Variants in SLC47A1 observed in about 807,000 individuals in gnomAD.
SLC47A1 encodes the protein solute carrier family 47 member 1.
Under a neutral mutation model 65.8 loss-of-function variants are expected in SLC47A1, and 58 were observed. That is an observed-to-expected ratio of 0.88 (90% CI 0.71 to 1.10). The LOEUF (loss-of-function observed/expected upper bound fraction) is 1.10. Among genes scored for constraint, SLC47A1 ranks in the 50% least tolerant of loss-of-function variants. The pLI is 0.00. For missense variants in SLC47A1, 706 were observed against 719.2 expected (o/e 0.98, Z 0.21); for synonymous variants, 285 against 295.0 (o/e 0.97, Z 0.35).
intron 15 of SLC47A1, among the ~76,000 whole-genome samples, chr17:19,572,439 A>G (rs1461024718): frequency 1.3e-5 from 2 of 152,026 alleles, no homozygotes; most frequent in African/African-American, 4.8e-5. Context: ...GAATACAGAC[A>G]TGCGCCACCA....
chr17:19,538,127 T>C (rs1186387348), intron 1 of SLC47A1, among the ~76,000 whole-genome samples: 11 of 152,248 alleles, frequency 7.2e-5, no homozygotes, highest in African/African-American at 1.9e-4. Flanking sequence ...AAGGATGAGA[T>C]CACGGATTGC....
intron 6 of SLC47A1, among the ~76,000 whole-genome samples, chr17:19,553,817 C>G (rs1045638232): frequency 6.6e-6 from 1 of 152,218 alleles, no homozygotes; most frequent in Non-Finnish European, 1.5e-5. Context: ...GCTGGGATTA[C>G]AGGCGTGACC....
At chr17:19,568,803 C>G (rs969867228) in intron 14 of SLC47A1, among the ~76,000 whole-genome samples, 1 of 152,068 alleles carries the variant, frequency 6.6e-6, no homozygotes, top group Non-Finnish European at 1.5e-5. Flanking sequence ...CCCATGCCCT[C>G]CCCTCCTTGC....
chr17:19,546,316 A>C, intron 2 of SLC47A1, 119 bp from the exon 3 acceptor site: 1 of 998,214 alleles, frequency 1.0e-6, no homozygotes, highest in Non-Finnish European at 1.5e-6. Flanking sequence ...CAAAGTTGGT[A>C]AAATTGACTT....
intron 1 of SLC47A1, among the ~76,000 whole-genome samples, chr17:19,541,674 A>G (rs2440154): frequency 0.69 from 104,486 of 152,058 alleles, 36,450 homozygotes; most frequent in East Asian, 0.82. Flanking sequence ...TCCTGTCTAC[A>G]GACTTCCTTG....
rs1412997403 is a variant in SLC47A1, at chr17:19,572,946, G to T, written c.1486+85G>T. 7.0e-6 allele frequency: 8 copies of T among 1,137,324 alleles called. No individual in the cohort carries two copies. In the East Asian group the frequency reaches 1.9e-4, roughly 27 times the overall value. The allele number at this position is 1,137,324 out of a possible 1,614,324, so 70.5% of individuals were successfully genotyped here. On this transcript the variant is annotated intron_variant, in intron 16 of 16. Transcript: ENST00000270570. Reference sequence around the variant, plus strand: ...TTAGTGAGACACAGCTAGATTTGCTGCTATGAGCTCTCATTTAAATAGGGC... The same window carrying T: ...TTAGTGAGACACAGCTAGATTTGCTTCTATGAGCTCTCATTTAAATAGGGC...
chr17:19,536,291 G>A (rs887224987), intron 1 of SLC47A1, among the ~76,000 whole-genome samples: 1 of 139,188 alleles, frequency 7.2e-6, no homozygotes, highest in Non-Finnish European at 1.6e-5. Context: ...AACAGGGCAG[G>A]TTTCTGAAAT....
At position 19,566,827 on chromosome 17, in the gene SLC47A1, T is replaced by G. The variant is rs755797596; in HGVS notation, c.1144T>G (p.Tyr382Asp). 1.9e-6 allele frequency: 3 copies of G among 1,614,118 alleles called. No homozygotes were observed. The African/African-American group carries it at 4.0e-5, about 22-fold the overall frequency. ...INLVAQVVPI[Y>D]AVSHLFEALA... is the part of the protein sequence containing the mutation. ...TCTGGTGGCTCAGGTGGTTCCAATT[T>G]ATGCTGTTTCCCACCTCTTTGAAGC... Residue 382 changes from tyrosine (Y) to aspartate (D), a missense_variant, in exon 13 of 17, where the codon TAT becomes GAT. Coordinates refer to ENST00000270570, the MANE Select transcript of SLC47A1 (RefSeq NM_018242.3).
At position 19,533,907 on chromosome 17, in the gene SLC47A1, C is replaced by T. The variant is rs1915915190; in HGVS notation, c.-33C>T. On this transcript the variant is annotated 5_prime_UTR_variant, in exon 1 of 17. Coordinates refer to ENST00000270570, the MANE Select transcript of SLC47A1 (RefSeq NM_018242.3). ...GGCCTCCGCGGTACCCACTGCCGGC[C>T]TCCGCGCTACCCGGCCGCAGCGCGC... 2 of 1,464,824 alleles carry T rather than the reference C, an allele frequency of 1.4e-6. No homozygotes were observed. The highest frequency in any genetic ancestry group is 2.7e-5 in the East Asian group (1 of 36,754). 90.7% of individuals were successfully genotyped at this position (1,464,824 alleles called of 1,614,324 possible).
chr17:19,559,287 C>T (rs1442125115), intron 10 of SLC47A1, among the ~76,000 whole-genome samples: 1 of 152,204 alleles, frequency 6.6e-6, no homozygotes, highest in Non-Finnish European at 1.5e-5. Context: ...TCCCTAACCA[C>T]AATACAGGGT....
chr17:19,547,536 T>A (rs1041305019), intron 3 of SLC47A1, among the ~76,000 whole-genome samples: 12 of 151,756 alleles, frequency 7.9e-5, no homozygotes, highest in Middle Eastern at 6.8e-3. Flanking sequence ...TAATTTTTTT[T>A]TAAAAAAAGG....
At chr17:19,543,435 G>A (rs1916204733) in intron 2 of SLC47A1, among the ~76,000 whole-genome samples, 1 of 151,946 alleles carries the variant, frequency 6.6e-6, no homozygotes, top group Non-Finnish European at 1.5e-5. Context: ...CTAATCCATG[G>A]AACTCGTTCC....
rs185507755 is a variant in SLC47A1, at chr17:19,574,177, C to T, written c.1486+1316C>T. 2.6e-5 allele frequency among the ~76,000 whole-genome samples: 4 copies of T among 152,170 alleles called. No individual in the cohort carries two copies. In the East Asian group the frequency reaches 5.8e-4, roughly 22 times the overall value. On this transcript the variant is annotated intron_variant, in intron 16 of 16. Transcript: ENST00000270570. ...ACCACAAGTGATCCACCCTCCTCGG[C>T]CCCCCAAAGTGCTGGGATTACAGGC...
chr17:19,560,357 C>T, intron 11 of SLC47A1, 61 bp downstream of exon 11: 2 of 1,608,886 alleles, frequency 1.2e-6, no homozygotes, highest in African/African-American at 2.7e-5. Flanking sequence ...ACCCAGGCTC[C>T]TCCACTTCCT....
At chr17:19,555,419 C>T in intron 7 of SLC47A1, 110 bp downstream of exon 7, 2 of 1,328,950 alleles carry the variant, frequency 1.5e-6, no homozygotes, top group South Asian at 2.4e-5. Flanking sequence ...TGCGTGGTCT[C>T]TTTCTTGCAC....
intron 16 of SLC47A1, among the ~76,000 whole-genome samples, chr17:19,576,936 G>A (rs534424077): frequency 6.6e-6 from 1 of 152,176 alleles, no homozygotes; most frequent in Non-Finnish European, 1.5e-5. Flanking sequence ...TAGTAGAGAC[G>A]GGGTTTCTCC....
chr17:19,536,063 T>C (rs1915979527), intron 1 of SLC47A1, among the ~76,000 whole-genome samples: 1 of 151,700 alleles, frequency 6.6e-6, no homozygotes, highest in South Asian at 2.1e-4. Context: ...ACTTCTGGAG[T>C]AGCGGAGATT....
At chr17:19,538,592 G>T (rs975183528) in intron 1 of SLC47A1, among the ~76,000 whole-genome samples, 1 of 152,268 alleles carries the variant, frequency 6.6e-6, no homozygotes, top group African/African-American at 2.4e-5. Context: ...TTCCCCCAGT[G>T]CTGGGATGTA....
intron 2 of SLC47A1, among the ~76,000 whole-genome samples, chr17:19,546,078 G>A (rs905370682): frequency 2.0e-5 from 3 of 152,056 alleles, no homozygotes; most frequent in African/African-American, 4.8e-5. Context: ...AAATTAGCCG[G>A]TCATGGTAGC....
Sources: gnomAD v4.1 joint callset for allele counts (sites outside exome capture counted in the v4.1 genomes callset) on GRCh38, gnomAD v4.1.1 for gene constraint, MANE v1.5 for transcripts, NCBI Gene and HGNC (gene_info 2026-07-23, HGNC 2026-07-21) for gene names.